The following ZMYND8 variants were observed in gnomAD, a reference collection of about 807,000 sequenced individuals.
The protein encoded by ZMYND8 is zinc finger MYND-type containing 8, also known as MYND-type zinc finger-containing chromatin reader ZMYND8.
ZMYND8 carries 37 observed loss-of-function variants against 140.8 expected under a neutral mutation model. The observed-to-expected ratio is 0.26, with a 90% confidence interval of 0.20 to 0.35. ZMYND8 has a LOEUF of 0.35. Ranked by LOEUF, ZMYND8 falls within the 10% of genes least tolerant of loss-of-function variation. The pLI is 1.00. For missense variants in ZMYND8, 1,068 were observed against 1,570.0 expected (o/e 0.68, Z 5.40); for synonymous variants, 592 against 597.1 (o/e 0.99, Z 0.12).
intron 7 of ZMYND8, among the ~76,000 whole-genome samples, chr20:47,288,896 G>A (rs1400960037): frequency 6.6e-6 from 1 of 152,190 alleles, no homozygotes; most frequent in Non-Finnish European, 1.5e-5. Context: ...GAGGTCAGGA[G>A]TTCGAGACCA....
intron 3 of ZMYND8, among the ~76,000 whole-genome samples, chr20:47,307,413 A>G (rs6018404): frequency 0.32 from 47,890 of 151,890 alleles, 11,004 homozygotes; most frequent in African/African-American, 0.65. Context: ...AGCTGAGACT[A>G]CACCACTGCA....
intron 13 of ZMYND8, among the ~76,000 whole-genome samples, chr20:47,248,740 G>A (rs2073929223): frequency 1.3e-5 from 2 of 152,222 alleles, no homozygotes; most frequent in South Asian, 4.1e-4. Context: ...AGGGCAGATG[G>A]GGAGGGCAGT....
intron 14 of ZMYND8, among the ~76,000 whole-genome samples, chr20:47,241,819 CTTTT>C (rs536750853): frequency 1.5e-5 from 2 of 137,856 alleles, no homozygotes; most frequent in Admixed American, 7.2e-5. Flanking sequence ...TTTTTCTTTT[CTTTT>C]TTTTTTTTTT....
chr20:47,346,260 A>T (rs545179028), intron 2 of ZMYND8, among the ~76,000 whole-genome samples: 176 of 152,196 alleles, frequency 1.2e-3, no homozygotes, highest in Middle Eastern at 6.8e-3. Context: ...GGGGCTGAGA[A>T]GTGGCTGAGA....
chr20:47,241,679 G>A (rs1029475721), intron 14 of ZMYND8, among the ~76,000 whole-genome samples: 5 of 152,056 alleles, frequency 3.3e-5, no homozygotes, highest in African/African-American at 4.8e-5. Context: ...TCAGCCCCCG[G>A]TAAGGTGAGC....
chr20:47,333,482 A>G (rs1436283192), intron 2 of ZMYND8, among the ~76,000 whole-genome samples: 1 of 152,058 alleles, frequency 6.6e-6, no homozygotes, highest in Admixed American at 6.6e-5. Flanking sequence ...TGTAATCCCA[A>G]CACTTTGGGA....
chr20:47,230,946 C>T (rs1008748257), intron 16 of ZMYND8, among the ~76,000 whole-genome samples: 5 of 152,210 alleles, frequency 3.3e-5, no homozygotes, highest in African/African-American at 1.2e-4. Context: ...TCACACAACT[C>T]AAGGTCCTCT....
chr20:47,247,459 A>G (rs1038691789), intron 13 of ZMYND8, among the ~76,000 whole-genome samples: 2 of 152,250 alleles, frequency 1.3e-5, no homozygotes, highest in Admixed American at 6.5e-5. Context: ...GTCTCTTTCA[A>G]AAGGAAGAAG....
At chr20:47,283,789 T>C (rs1031294907) in intron 8 of ZMYND8, 141 bp from the exon 9 acceptor site, 3 of 775,538 alleles carry the variant, frequency 3.9e-6, no homozygotes, top group African/African-American at 1.7e-5. Flanking sequence ...CCAACCACTA[T>C]GTATCGCTCC....
intron 3 of ZMYND8, 73 bp from the exon 4 acceptor site, chr20:47,299,020 C>T: frequency 7.2e-7 from 1 of 1,390,292 alleles, no homozygotes; most frequent in East Asian, 2.3e-5. Flanking sequence ...TGAACAAGTA[C>T]ATCAATAACA....
chr20:47,336,162 T>A (rs1398359932), intron 2 of ZMYND8, among the ~76,000 whole-genome samples: 1 of 152,186 alleles, frequency 6.6e-6, no homozygotes, highest in East Asian at 1.9e-4. Flanking sequence ...ACAATCCCTT[T>A]GTGAAAGTCT....
intron 14 of ZMYND8, among the ~76,000 whole-genome samples, chr20:47,240,476 T>C (rs2039822353): frequency 6.6e-6 from 1 of 151,504 alleles, no homozygotes; most frequent in African/African-American, 2.4e-5. Context: ...ACCATGCCAT[T>C]GCACTCCAGC....
intron 3 of ZMYND8, among the ~76,000 whole-genome samples, chr20:47,303,217 C>T (rs2078207921): frequency 2.0e-5 from 3 of 151,888 alleles, no homozygotes; most frequent in Non-Finnish European, 2.9e-5. Context: ...GAAGAGAGGG[C>T]GGGGAACTCC....
chr20:47,336,600 A>G (rs2081402897), intron 2 of ZMYND8, among the ~76,000 whole-genome samples: 2 of 152,140 alleles, frequency 1.3e-5, no homozygotes, highest in Admixed American at 1.3e-4. Flanking sequence ...GCTTGTTCTG[A>G]CTCACGCATG....
chr20:47,328,298 G>C (rs1353985926), intron 2 of ZMYND8, among the ~76,000 whole-genome samples: 1 of 152,174 alleles, frequency 6.6e-6, no homozygotes, highest in Non-Finnish European at 1.5e-5. Context: ...TAAGCATGGA[G>C]AGGGTGGTAT....
chr20:47,281,503 A>T (rs964582591), intron 10 of ZMYND8, among the ~76,000 whole-genome samples: 5 of 152,204 alleles, frequency 3.3e-5, no homozygotes. Context: ...TCTCAAGCAC[A>T]CAGCAGGCTC....
chr20:47,264,806 G>C (rs1601417311), intron 11 of ZMYND8, among the ~76,000 whole-genome samples: 3 of 152,092 alleles, frequency 2.0e-5, no homozygotes, highest in Admixed American at 2.0e-4. Context: ...AGGCTGAGGT[G>C]GGAGGATCAC....
intron 17 of ZMYND8, among the ~76,000 whole-genome samples, chr20:47,229,476 A>T (rs1397867787): frequency 6.6e-6 from 1 of 152,218 alleles, no homozygotes; most frequent in Non-Finnish European, 1.5e-5. Context: ...CCAGTAGGTT[A>T]ACTGAAGCTC....
At chr20:47,307,762 G>C (rs575985544) in intron 3 of ZMYND8, among the ~76,000 whole-genome samples, 1 of 152,100 alleles carries the variant, frequency 6.6e-6, no homozygotes, top group Admixed American at 6.5e-5. Context: ...GGGAGGCAAA[G>C]GTTGCAGAGA....
Sources: allele counts gnomAD v4.1 joint callset (sites outside exome capture counted in the v4.1 genomes callset), GRCh38; gene constraint gnomAD v4.1.1; transcripts MANE v1.5; gene names NCBI Gene and HGNC (gene_info 2026-07-23, HGNC 2026-07-21).